Variants in LRP8 observed in about 807,000 individuals in gnomAD.
LRP8 encodes the protein LDL receptor related protein 8.
LRP8 carries 46 observed loss-of-function variants against 111.6 expected under a neutral mutation model. The observed-to-expected ratio is 0.41, with a 90% confidence interval of 0.33 to 0.53. The LOEUF is 0.53. Among genes scored for constraint, LRP8 ranks in the 20% least tolerant of loss-of-function variants. The probability of loss-of-function intolerance (pLI) is 0.20; values close to 1 mark genes in which losing one functional copy is unlikely to be tolerated. For synonymous variants in LRP8, 464 were observed against 511.2 expected, an observed-to-expected ratio of 0.91 and a Z score of 1.24; for missense variants, 959 against 1,297.4, an observed-to-expected ratio of 0.74 and a Z score of 4.01.
intron 8 of LRP8, chr1:53,268,620 A>T (rs1223369980): frequency 2.0e-5 from 3 of 152,178 alleles, no homozygotes; most frequent in Non-Finnish European, 2.9e-5. Context: ...CCAGACTCAT[A>T]TATCCAGCTG....
chr1:53,324,220 C>T (rs921813909), intron 2 of LRP8, among the ~76,000 whole-genome samples: 2 of 152,164 alleles, frequency 1.3e-5, no homozygotes. Context: ...TCCTCAGGGA[C>T]GAGCCAACAG....
chr1:53,315,341 G>C (rs578008356), intron 2 of LRP8, among the ~76,000 whole-genome samples: 2 of 152,348 alleles, frequency 1.3e-5, no homozygotes, highest in South Asian at 4.1e-4. Flanking sequence ...AGATGGGAGA[G>C]GGAGGTTCAG....
At position 53,262,459 on chromosome 1, in the gene LRP8, G is replaced by A. The variant is rs1403671167; in HGVS notation, c.1761C>T (p.Asn587=). The change falls in exon 11 of 19, where the codon AAC becomes AAT. Residue 587 remains asparagine, a synonymous_variant. Coordinates refer to ENST00000306052, the MANE Select transcript of LRP8 (RefSeq NM_004631.5). This position sits in a 1 kb window ranked among gnomAD's most constrained non-coding sequence, Gnocchi z 4.8. ...GGCAGGGCTCACCCAGGGTGATTCC[G>A]TTGGGCCATTCAATATTGTCTGACA... is the stretch of plus-strand genomic sequence containing the variant. ...TLVSDNIEWP[N]GITLDLLSQR... is the part of the protein sequence containing the mutation. 13 of 1,613,980 alleles carry A rather than the reference G, an allele frequency of 8.1e-6. No homozygotes were observed. The highest frequency in any genetic ancestry group is 6.7e-5 in the African/African-American group (5 of 74,928).
intron 13 of LRP8, among the ~76,000 whole-genome samples, chr1:53,260,214 C>T (rs1188769855): frequency 6.6e-6 from 1 of 152,324 alleles, no homozygotes; most frequent in East Asian, 1.9e-4. Flanking sequence ...GTAATACCCA[C>T]ACTTTGTAGG....
chr1:53,271,480 C>T (rs1022511078), intron 6 of LRP8, 134 bp from the exon 7 acceptor site: 3 of 937,460 alleles, frequency 3.2e-6, no homozygotes, highest in Non-Finnish European at 4.8e-6. Context: ...TCCACAACCT[C>T]ACTGAGCCTC....
intron 2 of LRP8, among the ~76,000 whole-genome samples, chr1:53,310,509 T>A (rs1238848854): frequency 6.6e-6 from 1 of 152,070 alleles, no homozygotes; most frequent in South Asian, 2.1e-4. Flanking sequence ...GGGCTCCATA[T>A]GTGACACCTA....
chr1:53,264,189 G>T lies in LRP8; in HGVS notation c.1635C>A (p.Ile545=). The part of the protein sequence containing the change: ...FSRNLSEPRA[I]AVDPLRGFMY... ...CTCACCCTCGCAGGGGGTCAACAGC[G>T]ATGGCCCGGGGTTCACTGAGGTTAC... Residue 545 remains isoleucine, a synonymous_variant, in exon 10 of 19, where the codon ATC becomes ATA. Transcript: ENST00000306052. 6.2e-7 allele frequency: 1 copy of T among 1,614,164 alleles called. No individual in the cohort carries two copies. Among genetic ancestry groups the T allele is most frequent in the South Asian group, 1.1e-5 (1 of 91,082 alleles).
At chr1:53,302,856 A>ATTTTTTTTTTTT (rs769628078) in intron 2 of LRP8, among the ~76,000 whole-genome samples, 19 of 126,582 alleles carry the variant, frequency 1.5e-4, no homozygotes, top group African/African-American at 4.9e-4. Context: ...CACCCAGCTA[A>ATTTTTTTTTTTT]TTTTTTTTTT....
intron 10 of LRP8, 148 bp downstream of exon 10, chr1:53,264,021 T>G: frequency 1.4e-6 from 1 of 732,558 alleles, no homozygotes. Context: ...CAGAGAACCT[T>G]GGTTGGGGAT....
In LRP8 at chr1:53,266,679, T is replaced by C; in HGVS notation, c.1253-32A>G. The C allele has an allele frequency of 6.2e-7, 1 of 1,607,142 alleles. No homozygotes were observed. Among genetic ancestry groups the C allele is most frequent in the Non-Finnish European group, 8.5e-7 (1 of 1,174,708 alleles). ...TGCAGGGAGGTTGAAAGAGAAAGAG[T>C]CAGTGCAAGAGGCAGGGAGCCTGGA... On this transcript the variant is annotated intron_variant, in intron 8 of 18. Transcript: ENST00000306052. This position sits in a 1 kb window ranked among gnomAD's most constrained non-coding sequence, Gnocchi z 5.0.
At chr1:53,253,515 A>T (rs1040233998) in intron 16 of LRP8, among the ~76,000 whole-genome samples, 1 of 152,166 alleles carries the variant, frequency 6.6e-6, no homozygotes, top group Middle Eastern at 3.2e-3. Flanking sequence ...CCTCACAGGG[A>T]AATGTCAGGG....
At position 53,266,412 on chromosome 1, in the gene LRP8, A is replaced by C. The variant is rs1349600280; in HGVS notation, c.1427+61T>G. The C allele has an allele frequency of 1.0e-5, 16 of 1,566,400 alleles. No individual in the cohort carries two copies. Among genetic ancestry groups the C allele is most frequent in the Non-Finnish European group, 1.4e-5 (16 of 1,143,984 alleles). On this transcript the variant is annotated intron_variant, in intron 9 of 18. Transcript: ENST00000306052. The surrounding 1 kb of genome is among the most constrained non-coding windows in gnomAD (Gnocchi z 5.0). ...GGCAGACACCACTCCTCCCCTCCTC[A>C]CCTGTCACCACCCCTCACCCCCACT...
chr1:53,263,727 T>C (rs1251163825), intron 10 of LRP8, among the ~76,000 whole-genome samples: 4 of 152,164 alleles, frequency 2.6e-5, no homozygotes, highest in Non-Finnish European at 5.9e-5. Flanking sequence ...ATGGAGGAAG[T>C]TGCAGGGAGA....
At chr1:53,302,013 TTGG>T (rs1253879223) in intron 2 of LRP8, among the ~76,000 whole-genome samples, 2 of 152,052 alleles carry the variant, frequency 1.3e-5, no homozygotes, top group Non-Finnish European at 2.9e-5. Flanking sequence ...GACACTGACC[TTGG>T]TGGTCTCCAA....
rs576204691 is a variant in LRP8 at position 53,249,729 on chromosome 1, C to T, written c.2677-173G>A. ...TGCCTCTATCTGGAATGCCATTTCCCTCCTTCTCTCCCGGGAAAACTGCTA... is the reference window on the plus strand; with the variant it reads ...TGCCTCTATCTGGAATGCCATTTCCTTCCTTCTCTCCCGGGAAAACTGCTA... On this transcript the variant is annotated intron_variant, in intron 17 of 18. Coordinates refer to ENST00000306052, the MANE Select transcript of LRP8 (RefSeq NM_004631.5). This position sits in a 1 kb window ranked among gnomAD's most constrained non-coding sequence, Gnocchi z 4.1. Among the ~76,000 whole-genome samples the T allele has an allele frequency of 6.6e-6, 1 of 152,342 alleles. No individual in the cohort carries two copies. The highest frequency in any genetic ancestry group is 2.1e-4 in the South Asian group (1 of 4,824).
At chr1:53,292,979 A>T (rs913862137) in intron 2 of LRP8, among the ~76,000 whole-genome samples, 2 of 152,244 alleles carry the variant, frequency 1.3e-5, no homozygotes, top group East Asian at 3.8e-4. Context: ...TACGTTCTGC[A>T]CTGAGAACAC....
chr1:53,328,063 T>A lies in LRP8; in HGVS notation c.-151A>T. On this transcript the variant is annotated 5_prime_UTR_variant, in exon 1 of 19. Transcript: ENST00000306052. ...CTGCCGCCCGCCCCGGCTCCTCGGC[T>A]GCATTTCAAGCAGGTTCGGTGACGC... 3.2e-6 allele frequency: 1 copy of A among 317,182 alleles called. No homozygotes were observed. Among genetic ancestry groups the A allele is most frequent in the Non-Finnish European group, 4.5e-6 (1 of 221,272 alleles). The allele number at this position is 317,182 out of a possible 1,614,324, so 19.6% of individuals were successfully genotyped here. A position where few individuals can be genotyped will look rare whatever the true frequency, so the allele number is the denominator to read the frequency against.
chr1:53,254,965 A>G lies in LRP8; in HGVS notation c.2503+152T>C, dbSNP rs142472164. 9.3e-4 allele frequency: 737 copies of G among 791,388 alleles called. 4 individuals are homozygous for G. In the African/African-American group the frequency reaches 0.011, roughly 12 times the overall value. The allele number at this position is 791,388 out of a possible 1,614,324, so 49.0% of individuals were successfully genotyped here. A position where few individuals can be genotyped will look rare whatever the true frequency, so the allele number is the denominator to read the frequency against. On this transcript the variant is annotated intron_variant, in intron 16 of 18. Transcript: ENST00000306052. ...AGAGCCTTGTGTGCTAGGCTAAAAA[A>G]CCAAATTAAATCAGGACTGGGAGGT... is the stretch of plus-strand genomic sequence containing the variant.
intron 2 of LRP8, among the ~76,000 whole-genome samples, chr1:53,291,070 A>T (rs1288504): frequency 0.73 from 110,389 of 152,052 alleles, 41,133 homozygotes; most frequent in East Asian, 0.93. Context: ...TGGATTTGAG[A>T]CACTGCTGTG....
Sources: gnomAD v4.1 joint callset for allele counts (sites outside exome capture counted in the v4.1 genomes callset) on GRCh38, gnomAD v4.1.1 for gene constraint, Gnocchi (gnomAD v3.1) non-coding constraint, MANE v1.5 for transcripts, NCBI Gene and HGNC (gene_info 2026-07-23, HGNC 2026-07-21) for gene names.